Variants in CNTNAP5 observed in about 807,000 individuals in gnomAD.
The protein encoded by CNTNAP5 is contactin-associated protein-like 5.
In CNTNAP5, 72 loss-of-function variants were observed where a neutral mutation model predicts 150.2. The ratio of observed to expected loss-of-function variants is 0.48; its 90% CI spans 0.40 to 0.58. The LOEUF is 0.58. Ranked by LOEUF, CNTNAP5 falls within the 20% of genes least tolerant of loss-of-function variation. The probability of loss-of-function intolerance (pLI) is 0.00; values close to 1 mark genes in which losing one functional copy is unlikely to be tolerated. For synonymous variants in CNTNAP5, 672 were observed against 619.8 expected (o/e 1.08, Z -1.25); for missense variants, 1,636 against 1,626.2 (o/e 1.01, Z -0.10).
At chr2:124,374,500 T>C (rs7564671) in intron 3 of CNTNAP5, among the ~76,000 whole-genome samples, 34,906 of 152,088 alleles carry the variant, frequency 0.23, 4,221 homozygotes, top group Middle Eastern at 0.27. Context: ...GTTCAAAATT[T>C]GAGCAGATGC....
intron 3 of CNTNAP5, among the ~76,000 whole-genome samples, chr2:124,360,566 G>T: frequency 7.3e-6 from 1 of 136,112 alleles, no homozygotes; most frequent in Non-Finnish European, 1.6e-5. Context: ...CTTCACTTAT[G>T]AAGCTTAGTT....
intron 13 of CNTNAP5, among the ~76,000 whole-genome samples, chr2:124,655,791 C>T (rs899861656): frequency 2.0e-5 from 3 of 151,520 alleles, no homozygotes; most frequent in Non-Finnish European, 4.4e-5. Flanking sequence ...GTCCTATCTC[C>T]TCTAGAGGCT....
intron 1 of CNTNAP5, among the ~76,000 whole-genome samples, chr2:124,181,297 C>T (rs1352553096): frequency 1.3e-5 from 2 of 151,866 alleles, no homozygotes; most frequent in Admixed American, 6.6e-5. Flanking sequence ...TTTTTGTGTT[C>T]GTAAGAGTGA....
intron 10 of CNTNAP5, among the ~76,000 whole-genome samples, chr2:124,542,375 G>A (rs1695407700): frequency 6.6e-6 from 1 of 151,302 alleles, no homozygotes; most frequent in Non-Finnish European, 1.5e-5. Context: ...CCTGAAAGCA[G>A]ACATCTTACA....
At chr2:124,844,755 A>C (rs1275930307) in intron 19 of CNTNAP5, among the ~76,000 whole-genome samples, 1 of 151,722 alleles carries the variant, frequency 6.6e-6, no homozygotes, top group Non-Finnish European at 1.5e-5. Context: ...TGAGATTTTG[A>C]TTTGATTTTC....
At chr2:124,776,511 T>G (rs2104615554) in intron 17 of CNTNAP5, among the ~76,000 whole-genome samples, 1 of 152,312 alleles carries the variant, frequency 6.6e-6, no homozygotes, top group East Asian at 1.9e-4. Context: ...CAGGCAGGCT[T>G]GGCGTGCACA....
At chr2:124,811,396 C>T (rs896812215) in intron 19 of CNTNAP5, among the ~76,000 whole-genome samples, 5 of 151,834 alleles carry the variant, frequency 3.3e-5, no homozygotes, top group African/African-American at 9.7e-5. Context: ...TGTATTACTT[C>T]GATAAAAAAT....
chr2:124,678,337 T>G (rs926626059), intron 13 of CNTNAP5, among the ~76,000 whole-genome samples: 2 of 151,842 alleles, frequency 1.3e-5, no homozygotes, highest in East Asian at 1.9e-4. Context: ...AACCACAGAA[T>G]GAGCAATTAC....
At chr2:124,884,853 T>C (rs966109415) in intron 21 of CNTNAP5, among the ~76,000 whole-genome samples, 1 of 152,030 alleles carries the variant, frequency 6.6e-6, no homozygotes, top group Non-Finnish European at 1.5e-5. Context: ...CCAAGCAGTA[T>C]AGTTATTTGG....
At chr2:124,396,340 A>G (rs1490690273) in intron 3 of CNTNAP5, among the ~76,000 whole-genome samples, 2 of 152,168 alleles carry the variant, frequency 1.3e-5, no homozygotes, top group Non-Finnish European at 2.9e-5. Flanking sequence ...AATTCCCTGC[A>G]TTCGATATGG....
rs1694432502 is a variant in CNTNAP5 at position 124,507,263 on chromosome 2, A to G, written c.1327+2707A>G. Among the ~76,000 whole-genome samples, 2 of 152,132 alleles carry G rather than the reference A, an allele frequency of 1.3e-5. 1 individual carries two copies. The highest frequency in any genetic ancestry group is 1.3e-4 in the Admixed American group (2 of 15,272). Reference sequence around the variant, plus strand: ...CTCATGAGCCCAGAAGTTCAAAATCAGCCTGAGTAACATGGCAAAACCCCA... The same window carrying G: ...CTCATGAGCCCAGAAGTTCAAAATCGGCCTGAGTAACATGGCAAAACCCCA... On this transcript the variant is annotated intron_variant, in intron 8 of 23. Transcript: ENST00000682447.
intron 21 of CNTNAP5, among the ~76,000 whole-genome samples, chr2:124,901,878 A>G (rs924269161): frequency 6.6e-6 from 1 of 152,166 alleles, no homozygotes; most frequent in Admixed American, 6.5e-5. Flanking sequence ...TATCCTTATC[A>G]TACCTCTTAA....
At chr2:124,558,443 A>G (rs1162091315) in intron 10 of CNTNAP5, among the ~76,000 whole-genome samples, 1 of 3,292 alleles carries the variant, frequency 3.0e-4, no homozygotes, top group African/African-American at 4.5e-4. Context: ...AATATCTATT[A>G]GACACCCACG....
intron 3 of CNTNAP5, among the ~76,000 whole-genome samples, chr2:124,245,879 C>A (rs907428313): frequency 4.6e-5 from 7 of 151,896 alleles, no homozygotes; most frequent in African/African-American, 1.7e-4. Context: ...TACAGGCATG[C>A]ACCACCACAT....
chr2:124,103,010 A>C (rs1683097442), intron 1 of CNTNAP5, among the ~76,000 whole-genome samples: 1 of 152,194 alleles, frequency 6.6e-6, no homozygotes, highest in South Asian at 2.1e-4. Context: ...AATGGACCAC[A>C]TATACAACGG....
At chr2:124,481,981 G>T (rs1169100205) in intron 7 of CNTNAP5, among the ~76,000 whole-genome samples, 5 of 152,138 alleles carry the variant, frequency 3.3e-5, no homozygotes, top group African/African-American at 4.8e-5. Flanking sequence ...ACAGGAGACG[G>T]CTTATCCTGC....
At chr2:124,179,427 T>G (rs1685156250) in intron 1 of CNTNAP5, among the ~76,000 whole-genome samples, 1 of 152,188 alleles carries the variant, frequency 6.6e-6, no homozygotes, top group Admixed American at 6.5e-5. Flanking sequence ...CTTAAAGTGC[T>G]GGGATTACAG....
chr2:124,387,460 G>A (rs1161403878), intron 3 of CNTNAP5, among the ~76,000 whole-genome samples: 2 of 152,238 alleles, frequency 1.3e-5, no homozygotes, highest in Non-Finnish European at 2.9e-5. Context: ...TCCGAAAAGA[G>A]AGTCAGCGAA....
In CNTNAP5 at chr2:124,713,342, T is replaced by TCTTG. The variant is rs1553434521; in HGVS notation, c.2078-33884_2078-33883insGCTT. On this transcript the variant is annotated intron_variant, in intron 13 of 23. Transcript: ENST00000682447. ...TCCTTTCTTTCTTTCTTTCTTTCTTTCTTTCTTTCTTTCTTTCTTTCTTTC... is the reference window on the plus strand; with the variant it reads ...TCCTTTCTTTCTTTCTTTCTTTCTTTCTTGCTTTCTTTCTTTCTTTCTTTCTTTC... Among the ~76,000 whole-genome samples, 126 of 127,096 alleles carry TCTTG rather than the reference T, an allele frequency of 9.9e-4. 3 individuals are homozygous for TCTTG. Among genetic ancestry groups the TCTTG allele is most frequent in the African/African-American group, 3.8e-3 (121 of 32,016 alleles). The allele number at this position is 127,096 out of a possible 152,430, so 83.4% of individuals were successfully genotyped here. A position where few individuals can be genotyped will look rare whatever the true frequency, so the allele number is the denominator to read the frequency against.
Sources: gnomAD v4.1 joint callset for allele counts (sites outside exome capture counted in the v4.1 genomes callset) on GRCh38, gnomAD v4.1.1 for gene constraint, MANE v1.5 for transcripts, NCBI Gene and HGNC (gene_info 2026-07-23, HGNC 2026-07-21) for gene names.